TCERG1L: variants seen among roughly 807,000 people sequenced by gnomAD.
TCERG1L encodes the protein transcription elongation regulator 1-like protein.
Under a neutral mutation model 56.3 loss-of-function variants are expected in TCERG1L, and 37 were observed. That is an observed-to-expected ratio of 0.66 (90% confidence interval 0.51 to 0.87). TCERG1L has a LOEUF of 0.87. Ranked by LOEUF, TCERG1L falls within the 40% of genes least tolerant of loss-of-function variation. The probability of loss-of-function intolerance (pLI) is 0.00; values close to 1 mark genes in which losing one functional copy is unlikely to be tolerated. For missense variants in TCERG1L, 799 were observed against 774.2 expected, an observed-to-expected ratio of 1.03 and a Z score of -0.38; for synonymous variants, 324 against 326.3, an observed-to-expected ratio of 0.99 and a Z score of 0.08.
intron 3 of TCERG1L, among the ~76,000 whole-genome samples, chr10:131,284,856 T>C (rs1456860499): frequency 6.6e-6 from 1 of 152,150 alleles, no homozygotes; most frequent in Non-Finnish European, 1.5e-5. Context: ...AAAGCATGCA[T>C]AGTCATATAA....
intron 3 of TCERG1L, among the ~76,000 whole-genome samples, chr10:131,288,296 G>A (rs113135821): frequency 0.053 from 8,114 of 152,264 alleles, 339 homozygotes; most frequent in African/African-American, 0.11. Context: ...TCGGAACCGG[G>A]CACCCAACCC....
chr10:131,098,488 T>C, intron 10 of TCERG1L, 64 bp from the exon 11 acceptor site: 1 of 1,508,588 alleles, frequency 6.6e-7, no homozygotes, highest in Non-Finnish European at 8.8e-7. Flanking sequence ...AATCTTGTAT[T>C]CCAAGCACAA....
chr10:131,165,280 C>T (rs1228873034), intron 5 of TCERG1L, among the ~76,000 whole-genome samples: 2 of 152,186 alleles, frequency 1.3e-5, no homozygotes, highest in South Asian at 2.1e-4. Context: ...GCATCTCGCA[C>T]AGTCTCCAGC....
intron 6 of TCERG1L, among the ~76,000 whole-genome samples, chr10:131,160,187 A>G (rs968598154): frequency 1.3e-5 from 2 of 152,192 alleles, no homozygotes; most frequent in East Asian, 3.9e-4. Context: ...CTCGTAACAC[A>G]GGAGGCGCCC....
At chr10:131,310,187 C>A (rs1846869823) in intron 1 of TCERG1L, among the ~76,000 whole-genome samples, 1 of 152,008 alleles carries the variant, frequency 6.6e-6, no homozygotes, top group Admixed American at 6.6e-5. Context: ...TGAAAAAATG[C>A]AGTTTTTTAA....
intron 4 of TCERG1L, among the ~76,000 whole-genome samples, chr10:131,242,486 C>A (rs570014611): frequency 6.6e-6 from 1 of 152,186 alleles, no homozygotes; most frequent in Admixed American, 6.6e-5. Flanking sequence ...GGTCAAGGTG[C>A]GGGTTTCACT....
At chr10:131,278,982 C>A (rs1330686081) in intron 3 of TCERG1L, among the ~76,000 whole-genome samples, 1 of 152,194 alleles carries the variant, frequency 6.6e-6, no homozygotes, top group Non-Finnish European at 1.5e-5. Context: ...CCAATCACAT[C>A]TGTTTGAGAA....
intron 4 of TCERG1L, among the ~76,000 whole-genome samples, chr10:131,206,878 G>A (rs1356211165): frequency 6.6e-6 from 1 of 152,264 alleles, no homozygotes; most frequent in Non-Finnish European, 1.5e-5. Flanking sequence ...AGCGAGTGGT[G>A]CGGGAGGACG....
chr10:131,109,453 T>G (rs866440623), intron 9 of TCERG1L, among the ~76,000 whole-genome samples: 8 of 152,068 alleles, frequency 5.3e-5, no homozygotes, highest in Admixed American at 1.3e-4. Context: ...TGTGGCTGTG[T>G]CTGTGACTGT....
rs1846295595 is a variant in TCERG1L at position 131,267,107 on chromosome 10, CACT to C, written c.671-6666_671-6664del. Among the ~76,000 whole-genome samples the C allele has an allele frequency of 6.6e-6, 1 of 152,166 alleles. No individual in the cohort carries two copies. Among genetic ancestry groups the C allele is most frequent in the Non-Finnish European group, 1.5e-5 (1 of 68,018 alleles). ...CAGGAGCCCGTCTGCCTCCTGCCAC[CACT>C]CATCATGCCCAGGCCGCTTGCACCC... On this transcript the variant is annotated intron_variant, in intron 3 of 11. Transcript: ENST00000368642. The surrounding 1 kb of genome is among the most constrained non-coding windows in gnomAD (Gnocchi z 4.9).
chr10:131,233,457 GAC>G (rs143588165), intron 4 of TCERG1L, among the ~76,000 whole-genome samples: 17,692 of 149,772 alleles, frequency 0.12, 1,268 homozygotes, highest in African/African-American at 0.22. Flanking sequence ...CATGCACACA[GAC>G]ACACACACAC....
At chr10:131,217,464 G>C (rs1446146088) in intron 4 of TCERG1L, among the ~76,000 whole-genome samples, 1 of 152,124 alleles carries the variant, frequency 6.6e-6, no homozygotes, top group Non-Finnish European at 1.5e-5. Context: ...AGCAATGGAA[G>C]AACAGACTCA....
Position 131,093,059 on chromosome 10 carries a change from G to A in TCERG1L, c.*103C>T, listed in dbSNP as rs1317853354. 1 of 1,279,520 alleles carries A rather than the reference G, an allele frequency of 7.8e-7. No homozygotes were observed. Among genetic ancestry groups the A allele is most frequent in the East Asian group, 2.3e-5 (1 of 42,820 alleles). 79.3% of individuals were successfully genotyped at this position (1,279,520 alleles called of 1,614,324 possible). On this transcript the variant is annotated 3_prime_UTR_variant, in exon 12 of 12. Coordinates refer to ENST00000368642, the MANE Select transcript of TCERG1L (RefSeq NM_174937.4). Reference sequence around the variant, plus strand: ...GCAGTGCCGGTGCCCGCTGGGCCGTGCAGGTCTCGGCCGCCCCACGCCCGT... The same window carrying A: ...GCAGTGCCGGTGCCCGCTGGGCCGTACAGGTCTCGGCCGCCCCACGCCCGT...
At chr10:131,257,038 AAAGAAAGAAAGAAAGAAAAG>A (rs1846179479) in intron 4 of TCERG1L, among the ~76,000 whole-genome samples, 1 of 144,928 alleles carries the variant, frequency 6.9e-6, no homozygotes, top group Non-Finnish European at 1.5e-5. Flanking sequence ...AGAAAGAAAG[AAAGAAAGAAAGAAAGAAAAG>A]AAAGAAAGAA....
chr10:131,305,996 T>G (rs1424221280), intron 3 of TCERG1L, among the ~76,000 whole-genome samples: 1 of 152,152 alleles, frequency 6.6e-6, no homozygotes, highest in Non-Finnish European at 1.5e-5. Context: ...TAATTTTTAG[T>G]AATTACAGCA....
At chr10:131,116,326 G>A (rs919404610) in intron 9 of TCERG1L, among the ~76,000 whole-genome samples, 5 of 152,302 alleles carry the variant, frequency 3.3e-5, no homozygotes, top group African/African-American at 1.2e-4. Context: ...CCATGGGGAA[G>A]CTAAACAGTG....
intron 4 of TCERG1L, among the ~76,000 whole-genome samples, chr10:131,190,330 G>T (rs925971471): frequency 1.3e-5 from 2 of 152,160 alleles, no homozygotes; most frequent in Non-Finnish European, 2.9e-5. Flanking sequence ...ATTCACAGCT[G>T]CATTCTACCA....
Position 131,146,717 on chromosome 10 carries a change from C to G in TCERG1L, c.1035-57G>C, listed in dbSNP as rs565791958. The G allele has an allele frequency of 4.5e-6, 7 of 1,542,662 alleles. No individual in the cohort carries two copies. The East Asian group carries it at 1.1e-4, about 25-fold the overall frequency. On this transcript the variant is annotated intron_variant, in intron 6 of 11. Transcript: ENST00000368642. ...TCTCGGAGACACTTAATTAGAAAGT[C>G]GTTAGCATGAACTCTCACTGAAAAA...
chr10:131,168,336 C>T (rs1235006124), intron 4 of TCERG1L, among the ~76,000 whole-genome samples: 9 of 152,172 alleles, frequency 5.9e-5, no homozygotes, highest in South Asian at 2.1e-4. Flanking sequence ...TCTGCAGCTC[C>T]GGGAAGGAGA....
Sources: allele counts gnomAD v4.1 joint callset (sites outside exome capture counted in the v4.1 genomes callset), GRCh38; gene constraint gnomAD v4.1.1; non-coding constraint Gnocchi (gnomAD v3.1); transcripts MANE v1.5; gene names NCBI Gene and HGNC (gene_info 2026-07-23, HGNC 2026-07-21).